RNF20: variants seen among roughly 807,000 people sequenced by gnomAD.
The protein encoded by RNF20 is ring finger protein 20.
Under a neutral mutation model 126.2 loss-of-function variants are expected in RNF20, and 84 were observed. The ratio of observed to expected loss-of-function variants is 0.67; its 90% CI spans 0.56 to 0.80. The LOEUF is 0.80. RNF20 is among the 30% of genes least tolerant of loss of function. RNF20 has a pLI of 0.00. For synonymous variants in RNF20, 400 were observed against 414.3 expected, an observed-to-expected ratio of 0.97 and a Z score of 0.42; for missense variants, 869 against 1,188.2, an observed-to-expected ratio of 0.73 and a Z score of 3.95.
chr9:101,542,218 G>A (rs1827271138), intron 5 of RNF20, among the ~76,000 whole-genome samples: 1 of 152,038 alleles, frequency 6.6e-6, no homozygotes, highest in African/African-American at 2.4e-5. Flanking sequence ...TTTGGTCACG[G>A]GTTTCTTTTG....
chr9:101,556,178 CT>C (rs892420789), intron 15 of RNF20, among the ~76,000 whole-genome samples: 3 of 151,954 alleles, frequency 2.0e-5, no homozygotes, highest in African/African-American at 7.3e-5. Context: ...CATAAAAGTG[CT>C]TTTTTTAAGT....
chr9:101,538,046 G>A (rs1001196711), intron 2 of RNF20, among the ~76,000 whole-genome samples: 1 of 152,176 alleles, frequency 6.6e-6, no homozygotes, highest in African/African-American at 2.4e-5. Flanking sequence ...GAAGTGAAAG[G>A]TATAGGACCA....
chr9:101,560,306 T>C (rs1827604981), intron 16 of RNF20, among the ~76,000 whole-genome samples: 1 of 152,180 alleles, frequency 6.6e-6, no homozygotes, highest in Admixed American at 6.6e-5. Flanking sequence ...TGTGAGAAAC[T>C]GTTAGAATGG....
chr9:101,544,706 TAAAAA>T, intron 5 of RNF20, 56 bp from the exon 6 acceptor site: 1 of 1,007,018 alleles, frequency 9.9e-7, no homozygotes, highest in Non-Finnish European at 1.5e-6. Flanking sequence ...GACTCCGTCT[TAAAAA>T]AAAAAAAAAA....
intron 2 of RNF20, among the ~76,000 whole-genome samples, chr9:101,537,124 T>C (rs934334126): frequency 2.0e-5 from 3 of 152,138 alleles, no homozygotes; most frequent in African/African-American, 7.2e-5. Context: ...ACAATGGCAG[T>C]GTAAATGGAG....
chr9:101,542,323 A>G (rs554539306), intron 5 of RNF20, among the ~76,000 whole-genome samples: 4 of 152,382 alleles, frequency 2.6e-5, no homozygotes, highest in Non-Finnish European at 5.9e-5. Context: ...TAAGTAGACT[A>G]CAAAAGTTTC....
Position 101,540,439 on chromosome 9 carries a change from T to G in RNF20, c.298-51T>G, listed in dbSNP as rs757766574. The G allele has an allele frequency of 3.7e-6, 6 of 1,611,080 alleles. No homozygotes were observed. The South Asian group carries it at 6.6e-5, about 18-fold the overall frequency. ...TAGTTCTCCTTACTGTTCTCTTCAT[T>G]TCCAAAGTTGTGTCCTTTGTTTCTT... On this transcript the variant is annotated intron_variant, in intron 3 of 19. Coordinates refer to ENST00000389120, the MANE Select transcript of RNF20 (RefSeq NM_019592.7).
intron 1 of RNF20, among the ~76,000 whole-genome samples, chr9:101,535,149 C>T (rs1354273930): frequency 2.6e-5 from 4 of 151,836 alleles, no homozygotes; most frequent in Non-Finnish European, 4.4e-5. Flanking sequence ...CCTCTTGATC[C>T]GCCCGCCTCG....
In RNF20 at chr9:101,550,701, A is replaced by G. The variant is rs1355475583; in HGVS notation, c.1188A>G (p.Leu396=). Residue 396 remains leucine, a synonymous_variant, in exon 10 of 20, where the codon CTA becomes CTG. Coordinates refer to ENST00000389120, the MANE Select transcript of RNF20 (RefSeq NM_019592.7). ...TCTCCGTCTTGTATAATGAGAGCCT[A>G]CAGTTGAAAGCACACTTGGATGAGG... ...SQFSVLYNES[L]QLKAHLDEAR... 2.5e-6 allele frequency: 4 copies of G among 1,614,160 alleles called. No homozygotes were observed.
At chr9:101,551,369 T>A (rs1235646970) in intron 10 of RNF20, among the ~76,000 whole-genome samples, 1 of 152,220 alleles carries the variant, frequency 6.6e-6, no homozygotes, top group East Asian at 1.9e-4. Flanking sequence ...TTCTGTATCT[T>A]CCATAGTTTT....
chr9:101,560,218 C>T (rs1827603506), intron 16 of RNF20, among the ~76,000 whole-genome samples: 1 of 152,064 alleles, frequency 6.6e-6, no homozygotes, highest in Non-Finnish European at 1.5e-5. Context: ...TTGTGGATGT[C>T]AAACCATCCC....
At chr9:101,544,706 TAAAA>T (rs145182555) in intron 5 of RNF20, 57 bp from the exon 6 acceptor site, 30 of 1,006,704 alleles carry the variant, frequency 3.0e-5, no homozygotes, top group Non-Finnish European at 3.7e-5. Flanking sequence ...GACTCCGTCT[TAAAA>T]AAAAAAAAAA....
chr9:101,561,401 C>CT, intron 18 of RNF20, 171 bp downstream of exon 18: 1 of 645,268 alleles, frequency 1.5e-6, no homozygotes, highest in Non-Finnish European at 2.7e-6. Context: ...TCCTCAGACT[C>CT]TTTTATGGTG....
At chr9:101,549,429 G>A (rs150496598) in intron 9 of RNF20, among the ~76,000 whole-genome samples, 2,358 of 152,320 alleles carry the variant, frequency 0.015, 28 homozygotes, top group African/African-American at 0.02. Context: ...CTAGAAGGCA[G>A]AGTCAGGTGT....
At chr9:101,542,803 T>C (rs1445968139) in intron 5 of RNF20, among the ~76,000 whole-genome samples, 1 of 152,232 alleles carries the variant, frequency 6.6e-6, no homozygotes, top group Non-Finnish European at 1.5e-5. Flanking sequence ...TTTAATGGCA[T>C]GCATTTTAAG....
At position 101,535,524 on chromosome 9, in the gene RNF20, CAATT is replaced by C. The variant is rs756253637; in HGVS notation, c.104_107del (p.Ile35SerfsTer2). ...GAAGATTCAGGGACCACAGTGGAAACAATTAAGCTAGGAGGTGTCTCTTCAACGG... is the reference window on the plus strand; with the variant it reads ...GAAGATTCAGGGACCACAGTGGAAACAAGCTAGGAGGTGTCTCTTCAACGG... On this transcript the variant is annotated frameshift_variant, in exon 2 of 20. Coordinates refer to ENST00000389120, the MANE Select transcript of RNF20 (RefSeq NM_019592.7). LOFTEE classifies it high-confidence loss of function. 6.2e-7 allele frequency: 1 copy of C among 1,613,222 alleles called. No homozygotes were observed. Among genetic ancestry groups the C allele is most frequent in the African/African-American group, 1.3e-5 (1 of 74,856 alleles).
chr9:101,552,067 T>C (rs1827455414), intron 11 of RNF20, 74 bp from the exon 12 acceptor site: 2 of 1,577,540 alleles, frequency 1.3e-6, no homozygotes, highest in South Asian at 2.2e-5. Flanking sequence ...CCTCCTGATG[T>C]GTTCTGTTCT....
rs7854626 is a variant in RNF20, at chr9:101,535,341, C to G, written c.-26-57C>G. 1.7e-4 allele frequency: 241 copies of G among 1,413,758 alleles called. No individual in the cohort carries two copies. The African/African-American group carries it at 3.0e-3, about 18-fold the overall frequency. The allele number at this position is 1,413,758 out of a possible 1,614,324, so 87.6% of individuals were successfully genotyped here. A position where few individuals can be genotyped will look rare whatever the true frequency, so the allele number is the denominator to read the frequency against. On this transcript the variant is annotated intron_variant, in intron 1 of 19. Transcript: ENST00000389120. ...TGCTAGTTTTTACTCTATTGTTTTA[C>G]TCTATTGTTGCTTTGCTTACATATA... is the stretch of plus-strand genomic sequence containing the variant.
chr9:101,534,076 G>A (rs1827146137), intron 1 of RNF20, 162 bp downstream of exon 1: 1 of 152,490 alleles, frequency 6.6e-6, no homozygotes, highest in Admixed American at 6.5e-5. Flanking sequence ...TCCACGCTGA[G>A]GCTGAGGTCT....
Sources: gnomAD v4.1 joint callset for allele counts (sites outside exome capture counted in the v4.1 genomes callset) on GRCh38, gnomAD v4.1.1 for gene constraint, MANE v1.5 for transcripts, NCBI Gene and HGNC (gene_info 2026-07-23, HGNC 2026-07-21) for gene names.